The following ARL8B variants were observed in gnomAD, a reference collection of about 807,000 sequenced individuals.
ARL8B encodes the protein ARF like GTPase 8B.
In ARL8B, 9 loss-of-function variants were observed where a neutral mutation model predicts 30.6. That is an observed-to-expected ratio of 0.29 (90% confidence interval 0.18 to 0.51). The LOEUF is 0.51. ARL8B is among the 20% of genes least tolerant of loss of function. The pLI is 0.97. For missense variants in ARL8B, 130 were observed against 227.2 expected, an observed-to-expected ratio of 0.57 and a Z score of 2.75; for synonymous variants, 74 against 76.0, an observed-to-expected ratio of 0.97 and a Z score of 0.14.
At chr3:5,166,947 T>G (rs1386877931) in intron 1 of ARL8B, among the ~76,000 whole-genome samples, 1 of 152,208 alleles carries the variant, frequency 6.6e-6, no homozygotes, top group Non-Finnish European at 1.5e-5. Flanking sequence ...GAACGGCCTA[T>G]GAATAGAACA....
At chr3:5,151,916 C>T (rs1451762662) in intron 1 of ARL8B, among the ~76,000 whole-genome samples, 2 of 151,996 alleles carry the variant, frequency 1.3e-5, no homozygotes, top group South Asian at 2.1e-4. Flanking sequence ...TTGTAGAGAC[C>T]GAGTCTTGCC....
intron 1 of ARL8B, among the ~76,000 whole-genome samples, chr3:5,127,046 A>G (rs1030640097): frequency 3.9e-5 from 6 of 152,224 alleles, no homozygotes; most frequent in African/African-American, 1.4e-4. Context: ...GGGAAAGTTT[A>G]TTACTGCTGA....
intron 1 of ARL8B, among the ~76,000 whole-genome samples, chr3:5,154,996 A>C (rs558771539): frequency 6.6e-6 from 1 of 152,288 alleles, no homozygotes; most frequent in Non-Finnish European, 1.5e-5. Flanking sequence ...CAGCCTCCCA[A>C]AGTGCTGGGA....
intron 1 of ARL8B, among the ~76,000 whole-genome samples, chr3:5,130,073 A>C (rs1428927685): frequency 6.6e-6 from 1 of 152,104 alleles, no homozygotes; most frequent in Non-Finnish European, 1.5e-5. Flanking sequence ...CATGTTGGCA[A>C]GGCTGACCTC....
intron 6 of ARL8B, among the ~76,000 whole-genome samples, chr3:5,174,662 T>C (rs1011347757): frequency 6.9e-6 from 1 of 145,658 alleles, no homozygotes; most frequent in Non-Finnish European, 1.5e-5. Flanking sequence ...ATATATATAA[T>C]ATAATATATG....
chr3:5,175,359 T>C (rs968281496), intron 6 of ARL8B, among the ~76,000 whole-genome samples: 3 of 152,216 alleles, frequency 2.0e-5, no homozygotes, highest in African/African-American at 7.2e-5. Flanking sequence ...GAGGTTAAGA[T>C]TATGTGATAC....
intron 1 of ARL8B, among the ~76,000 whole-genome samples, chr3:5,166,787 G>A (rs750660701): frequency 2.6e-5 from 4 of 152,214 alleles, no homozygotes; most frequent in Non-Finnish European, 5.9e-5. Flanking sequence ...AGTAGAAAAT[G>A]TAGGTAAGTG....
intron 1 of ARL8B, among the ~76,000 whole-genome samples, chr3:5,138,190 G>GTTTTTTTTTTTTTTTT (rs35653002): frequency 7.1e-6 from 1 of 141,474 alleles, no homozygotes; most frequent in Non-Finnish European, 1.5e-5. Flanking sequence ...ATTGCTCTAA[G>GTTTTTTTTTTTTTTTT]TTTTTTTTTT....
intron 1 of ARL8B, among the ~76,000 whole-genome samples, chr3:5,142,494 G>A (rs2054382985): frequency 6.6e-6 from 1 of 152,110 alleles, no homozygotes; most frequent in African/African-American, 2.4e-5. Flanking sequence ...CCCATCCTAG[G>A]GGAAATGGAA....
At chr3:5,177,534 G>A (rs1230939723) in intron 6 of ARL8B, among the ~76,000 whole-genome samples, 2 of 149,522 alleles carry the variant, frequency 1.3e-5, no homozygotes, top group Non-Finnish European at 3.0e-5. Flanking sequence ...TTGGCTCACT[G>A]CAACCTCCGC....
chr3:5,122,503 G>A lies in ARL8B; in HGVS notation c.38G>A (p.Arg13His). The change falls in exon 1 of 7, where the codon CGT becomes CAT. Residue 13 changes from arginine (R) to histidine (H), a missense_variant. Physicochemically the swap from Arg to His is conservative, Grantham distance 29 (BLOSUM62 0). Transcript: ENST00000256496. ...ALISRLLDWF[R>H]SLFWKEEMEL... ...ATCTCCCGCCTGCTGGACTGGTTCC[G>A]TTCGCTCTTCTGGAAGGAAGAGATG... 1 of 1,613,686 alleles carries A rather than the reference G, an allele frequency of 6.2e-7. No individual in the cohort carries two copies.
At chr3:5,160,973 C>T (rs567599709) in intron 1 of ARL8B, among the ~76,000 whole-genome samples, 19 of 152,324 alleles carry the variant, frequency 1.2e-4, no homozygotes, top group Admixed American at 3.3e-4. Flanking sequence ...GGGTAGAGTG[C>T]AGTGGCACCA....
At chr3:5,161,023 A>G (rs2054575148) in intron 1 of ARL8B, among the ~76,000 whole-genome samples, 1 of 152,162 alleles carries the variant, frequency 6.6e-6, no homozygotes, top group Non-Finnish European at 1.5e-5. Context: ...GGCTCAAGCC[A>G]TCTTCCCACC....
intron 1 of ARL8B, among the ~76,000 whole-genome samples, chr3:5,149,507 T>G (rs2054460549): frequency 4.6e-5 from 7 of 152,210 alleles, no homozygotes; most frequent in Admixed American, 4.6e-4. Context: ...GACAGGCAAT[T>G]TATCTCCTAG....
chr3:5,160,015 C>G (rs768714518), intron 1 of ARL8B, among the ~76,000 whole-genome samples: 5 of 152,114 alleles, frequency 3.3e-5, no homozygotes, highest in Non-Finnish European at 5.9e-5. Context: ...TACTAATAAC[C>G]TCAACACTCA....
intron 1 of ARL8B, chr3:5,128,521 C>G: frequency 4.6e-6 from 2 of 439,048 alleles, no homozygotes; most frequent in East Asian, 7.5e-5. Flanking sequence ...ATAATGCATT[C>G]TAAATGCCTG....
intron 1 of ARL8B, among the ~76,000 whole-genome samples, chr3:5,131,183 G>T (rs1270292058): frequency 6.6e-6 from 1 of 152,206 alleles, no homozygotes; most frequent in East Asian, 1.9e-4. Context: ...GGGATTACAG[G>T]TGTGAGCCAC....
At chr3:5,170,440 TAGA>T (rs1575574397) in intron 1 of ARL8B, 60 bp from the exon 2 acceptor site, 1 of 1,092,010 alleles carries the variant, frequency 9.2e-7, no homozygotes, top group African/African-American at 1.6e-5. Flanking sequence ...ATGTTGATAT[TAGA>T]AGTTTATGCA....
intron 1 of ARL8B, among the ~76,000 whole-genome samples, chr3:5,123,401 T>TAG (rs1245268159): frequency 6.6e-6 from 1 of 152,236 alleles, no homozygotes; most frequent in Non-Finnish European, 1.5e-5. Flanking sequence ...ACTGAGGACT[T>TAG]ACATAGAATG....
Sources: gnomAD v4.1 joint callset for allele counts (sites outside exome capture counted in the v4.1 genomes callset) on GRCh38, gnomAD v4.1.1 for gene constraint, MANE v1.5 for transcripts, NCBI Gene and HGNC (gene_info 2026-07-23, HGNC 2026-07-21) for gene names.